The following SYNE1 variants were observed in gnomAD, a reference collection of about 807,000 sequenced individuals.
SYNE1 encodes spectrin repeat containing nuclear envelope protein 1.
Under a neutral mutation model 1,111.0 loss-of-function variants are expected in SYNE1, and 616 were observed. The observed-to-expected ratio is 0.55, with a 90% CI of 0.52 to 0.59. The LOEUF (loss-of-function observed/expected upper bound fraction) is 0.59. Ranked by LOEUF, SYNE1 falls within the 20% of genes least tolerant of loss-of-function variation. The pLI is 0.00. For synonymous variants in SYNE1, 3,855 were observed against 3,825.8 expected, an observed-to-expected ratio of 1.01 and a Z score of -0.28; for missense variants, 10,006 against 10,417.0, an observed-to-expected ratio of 0.96 and a Z score of 1.72.
chr6:152,330,149 G>T lies in SYNE1; in HGVS notation c.14536C>A (p.Leu4846Ile), dbSNP rs757647899. Residue 4846 changes from leucine (L) to isoleucine (I), a missense_variant, in exon 78 of 146, where the codon CTT (leucine) becomes ATT (isoleucine). Leu to Ile is a conservative substitution (Grantham distance 5). This residue lies in a region of SYNE1 where 4,955 missense variants were observed against 5,017.2 expected (regional missense o/e 0.99). Transcript: ENST00000367255. ...GCTTTCTCATAAGCCAAGGGGTCAA[G>T]GTGTGGGGCAAGATCTTCAAGATGT... is the stretch of plus-strand genomic sequence containing the variant. ...TIHLEDLAPH[L>I]DPLAYEKARH... The T allele has an allele frequency of 8.7e-6, 14 of 1,614,222 alleles. No individual in the cohort carries two copies. The South Asian group carries it at 9.9e-5, about 11-fold the overall frequency.
rs576729825 is a variant in SYNE1 at position 152,357,896 on chromosome 6, T to A, written c.10608+477A>T. Among the ~76,000 whole-genome samples the A allele has an allele frequency of 3.3e-5, 5 of 152,310 alleles. No homozygotes were observed. The South Asian group carries it at 1.0e-3, about 32-fold the overall frequency. ...CTGGGCACTAACACTTATTTTTTTT[T>A]ACTTCTGTAATTCCTTCTTCTAGAA... On this transcript the variant is annotated intron_variant, in intron 66 of 145. Coordinates refer to ENST00000367255, the MANE Select transcript of SYNE1 (RefSeq NM_182961.4).
Position 152,462,784 on chromosome 6 carries a change from A to G in SYNE1, c.2204T>C (p.Leu735Ser), listed in dbSNP as rs770278825. The stretch of plus-strand genomic sequence containing the variant: ...CTTGACATTCATAAAAGAGACTTCT[A>G]AGGGTTCAGAAAGTTTCTTATGGGC... ...TEAHKKLSEP[L>S]EVSFMNVKLL... The change falls in exon 20 of 146, where the codon TTA becomes TCA. Residue 735 changes from leucine (L) to serine (S), a missense_variant. By Grantham distance (145) the Leu-to-Ser change is moderately radical. Around this residue, in one of 7 missense-constraint regions of SYNE1, gnomAD observed 1,971 missense variants for 2,084.1 expected, o/e 0.95. Transcript: ENST00000367255. 4 of 1,614,040 alleles carry G rather than the reference A, an allele frequency of 2.5e-6. No individual in the cohort carries two copies. The highest frequency in any genetic ancestry group is 1.7e-4 in the Middle Eastern group (1 of 6,060).
At chr6:152,300,615 C>G in intron 93 of SYNE1, 26 bp downstream of exon 93, 1 of 1,614,008 alleles carries the variant, frequency 6.2e-7, no homozygotes, top group Non-Finnish European at 8.5e-7. Context: ...GAGATTATTG[C>G]TAGAGGAATG....
chr6:152,306,717 C>A (rs1043614156), intron 91 of SYNE1, among the ~76,000 whole-genome samples: 26 of 139,760 alleles, frequency 1.9e-4, no homozygotes, highest in South Asian at 2.3e-4. Context: ...CTCTACTCTA[C>A]AAAAAAAAAA....
intron 13 of SYNE1, among the ~76,000 whole-genome samples, 154 bp from the exon 14 acceptor site, chr6:152,483,403 A>G (rs2098919993): frequency 6.6e-6 from 1 of 152,228 alleles, no homozygotes; most frequent in African/African-American, 2.4e-5. Context: ...CTGTGTTCTG[A>G]GTTTGACACT....
At position 152,302,060 on chromosome 6, in the gene SYNE1, G is replaced by T; in HGVS notation, c.17350C>A (p.Leu5784Met). The change falls in exon 92 of 146, where the codon CTG becomes ATG. Residue 5784 changes from leucine to methionine, a missense_variant. This residue lies in a region of SYNE1 where 4,955 missense variants were observed against 5,017.2 expected (regional missense o/e 0.99). Transcript: ENST00000367255. The stretch of plus-strand genomic sequence containing the variant: ...TGGTAGCCCTTAATTTTCTGCGCCA[G>T]CTCCTGAGGAAACATTTCCCCCACC... ...LQAQISRHEE[L>M]AQKIKGYQEQ... 1.9e-6 allele frequency: 3 copies of T among 1,614,244 alleles called. No homozygotes were observed. The highest frequency in any genetic ancestry group is 2.5e-6 in the Non-Finnish European group (3 of 1,180,042).
chr6:152,327,310 GAAAAGA>G (rs1014137601), intron 78 of SYNE1, among the ~76,000 whole-genome samples: 8 of 145,606 alleles, frequency 5.5e-5, no homozygotes, highest in African/African-American at 2.1e-4. Flanking sequence ...GAAAGGAAAA[GAAAAGA>G]AAAAAAAAAG....
Position 152,301,938 on chromosome 6 carries a change from C to A in SYNE1, c.17472G>T (p.Leu5824=). The A allele has an allele frequency of 6.2e-7, 1 of 1,614,226 alleles. No individual in the cohort carries two copies. The highest frequency in any genetic ancestry group is 8.5e-7 in the Non-Finnish European group (1 of 1,180,042). Residue 5824 remains leucine (L), a synonymous_variant, in exon 92 of 146, where the codon CTG becomes CTT. Transcript: ENST00000367255. ...CATCCAGGTCCTCTGTCCCTTCCGC[C>A]AGCCCCTCGACCTCGGTCACCGTCA... is the stretch of plus-strand genomic sequence containing the variant. ...MLLTVTEVEG[L]AEGTEDLDGE... is the part of the protein sequence containing the mutation.
chr6:152,553,053 G>A (rs1162272509), intron 3 of SYNE1, among the ~76,000 whole-genome samples: 2 of 152,100 alleles, frequency 1.3e-5, no homozygotes, highest in Non-Finnish European at 2.9e-5. Context: ...GTATGTGGCA[G>A]GCATATGTTG....
chr6:152,319,187 C>T (rs1372828416), intron 84 of SYNE1, among the ~76,000 whole-genome samples, 172 bp from the exon 85 acceptor site: 1 of 152,224 alleles, frequency 6.6e-6, no homozygotes, highest in Non-Finnish European at 1.5e-5. Flanking sequence ...TCCCTGACTT[C>T]ACTATCTTTA....
intron 86 of SYNE1, among the ~76,000 whole-genome samples, chr6:152,317,491 T>C (rs1050227780): frequency 3.3e-5 from 5 of 152,092 alleles, no homozygotes; most frequent in African/African-American, 1.2e-4. Flanking sequence ...ACTAGGATTA[T>C]AGGTATGAGC....
At chr6:152,186,940 A>G (rs1040603815) in intron 128 of SYNE1, among the ~76,000 whole-genome samples, 4 of 152,202 alleles carry the variant, frequency 2.6e-5, no homozygotes, top group Non-Finnish European at 4.4e-5. Flanking sequence ...ATACATCATG[A>G]TAAAGTCTTT....
At chr6:152,351,941 C>T (rs1217038994) in intron 70 of SYNE1, 86 bp downstream of exon 70, 15 of 1,259,622 alleles carry the variant, frequency 1.2e-5, no homozygotes, top group Middle Eastern at 2.6e-4. Flanking sequence ...GCAGCTGTTA[C>T]GGGTGACACC....
At chr6:152,598,732 G>A (rs1264236602) in intron 3 of SYNE1, among the ~76,000 whole-genome samples, 1 of 152,112 alleles carries the variant, frequency 6.6e-6, no homozygotes, top group Non-Finnish European at 1.5e-5. Context: ...CTTGAATCTG[G>A]GTAAGTCTGG....
intron 102 of SYNE1, 102 bp downstream of exon 102, chr6:152,256,532 C>T (rs1016806586): frequency 3.2e-5 from 48 of 1,511,556 alleles, no homozygotes; most frequent in Non-Finnish European, 4.1e-5. Context: ...GGGTCTCATG[C>T]TCAGGGGTGG....
chr6:152,483,191 C>A lies in SYNE1; in HGVS notation c.1244G>T (p.Gly415Val). 3 of 1,614,128 alleles carry A rather than the reference C, an allele frequency of 1.9e-6. No individual in the cohort carries two copies. Among genetic ancestry groups the A allele is most frequent in the African/African-American group, 2.7e-5 (2 of 75,032 alleles). ...KSLPAPLGTI[G>V]AWLYRAEVAL... ...CACCTCCGCTCTGTACAGCCAGGCACCTATGGTGCCCAGAGGTGCAGGAAG... is the reference window on the plus strand; with the variant it reads ...CACCTCCGCTCTGTACAGCCAGGCAACTATGGTGCCCAGAGGTGCAGGAAG... The change falls in exon 14 of 146, where the codon GGT (glycine) becomes GTT (valine). Residue 415 changes from glycine to valine, a missense_variant. Around this residue, in one of 7 missense-constraint regions of SYNE1, gnomAD observed 1,971 missense variants for 2,084.1 expected, o/e 0.95. Coordinates refer to ENST00000367255, the MANE Select transcript of SYNE1 (RefSeq NM_182961.4).
At chr6:152,171,005 G>A (rs1252994952) in intron 130 of SYNE1, among the ~76,000 whole-genome samples, 4 of 152,240 alleles carry the variant, frequency 2.6e-5, no homozygotes. Flanking sequence ...ATTCTCTCCT[G>A]TCTGCCACCA....
rs1358932318 is a variant in SYNE1, at chr6:152,409,368, A to C, written c.6382-142T>G. The C allele has an allele frequency of 3.3e-5, 35 of 1,045,442 alleles. 1 individual carries two copies. The South Asian group carries it at 5.3e-4, about 16-fold the overall frequency. The allele number at this position is 1,045,442 out of a possible 1,614,324, so 64.8% of individuals were successfully genotyped here. A position where few individuals can be genotyped will look rare whatever the true frequency, so the allele number is the denominator to read the frequency against. ...TGAGATTAATTAACTATATGAATATATATAACACCATTTTCTTGAATTGCT... is the reference window on the plus strand; with the variant it reads ...TGAGATTAATTAACTATATGAATATCTATAACACCATTTTCTTGAATTGCT... On this transcript the variant is annotated intron_variant, in intron 43 of 145. Coordinates refer to ENST00000367255, the MANE Select transcript of SYNE1 (RefSeq NM_182961.4).
At position 152,310,697 on chromosome 6, in the gene SYNE1, A is replaced by G. The variant is rs764675484; in HGVS notation, c.16887T>C (p.Asp5629=). ...TTTTTTCTTTTTTTACCTTAGCTGC[A>G]TCTTGGAGGTTCTGCAAACGAATTT... ...MIKIRLQNLQ[D]AAKDMKKFEA... The change falls in exon 88 of 146, where the codon GAT becomes GAC. Residue 5629 remains aspartate, a synonymous_variant. Transcript: ENST00000367255. 1 of 1,612,174 alleles carries G rather than the reference A, an allele frequency of 6.2e-7. No homozygotes were observed. The highest frequency in any genetic ancestry group is 8.5e-7 in the Non-Finnish European group (1 of 1,179,710).
Sources: allele counts gnomAD v4.1 joint callset (sites outside exome capture counted in the v4.1 genomes callset), GRCh38; gene constraint gnomAD v4.1.1; regional missense constraint gnomAD v4.1.1; transcripts MANE v1.5; gene names NCBI Gene and HGNC (gene_info 2026-07-23, HGNC 2026-07-21).